Variants in IQGAP1 observed in about 807,000 individuals in gnomAD.
IQGAP1 encodes ras GTPase-activating-like protein IQGAP1.
IQGAP1 carries 66 observed loss-of-function variants against 215.6 expected under a neutral mutation model. The ratio of observed to expected loss-of-function variants is 0.31; its 90% CI spans 0.25 to 0.38. The LOEUF (loss-of-function observed/expected upper bound fraction) is 0.38, where lower values mean the gene tolerates loss of function less well. Ranked by LOEUF, IQGAP1 falls within the 10% of genes least tolerant of loss-of-function variation. The pLI is 1.00. For missense variants in IQGAP1, 1,712 were observed against 1,997.1 expected (o/e 0.86, Z 2.72); for synonymous variants, 772 against 728.7 (o/e 1.06, Z -0.96).
chr15:90,426,730 G>A (rs1440322035), intron 3 of IQGAP1, among the ~76,000 whole-genome samples: 1 of 151,992 alleles, frequency 6.6e-6, no homozygotes, highest in Non-Finnish European at 1.5e-5. Flanking sequence ...TGAGGTGGGC[G>A]GATCACAAGG....
intron 1 of IQGAP1, among the ~76,000 whole-genome samples, chr15:90,388,660 C>G (rs944918692): frequency 6.6e-6 from 1 of 152,048 alleles, no homozygotes; most frequent in Admixed American, 6.5e-5. Context: ...CCCAGCGCCT[C>G]TCGCCGCCCA....
At chr15:90,429,722 T>A in intron 4 of IQGAP1, 56 bp downstream of exon 4, 1 of 1,090,204 alleles carries the variant, frequency 9.2e-7, no homozygotes, top group East Asian at 2.4e-5. Flanking sequence ...GGCATAACCC[T>A]CAAACAACCT....
intron 2 of IQGAP1, chr15:90,393,807 G>A (rs1192138387): frequency 6.6e-6 from 1 of 152,098 alleles, no homozygotes; most frequent in Admixed American, 6.5e-5. Flanking sequence ...ATGATCCCCT[G>A]AGGTGTTTTT....
intron 2 of IQGAP1, among the ~76,000 whole-genome samples, chr15:90,410,799 A>G (rs1348214644): frequency 6.6e-6 from 1 of 151,658 alleles, no homozygotes; most frequent in African/African-American, 2.4e-5. Context: ...CATATGTAAC[A>G]AACCTGCATG....
At chr15:90,487,643 T>G in intron 33 of IQGAP1, 61 bp downstream of exon 33, 1 of 1,154,422 alleles carries the variant, frequency 8.7e-7, no homozygotes, top group Non-Finnish European at 1.3e-6. Context: ...GATAGGCGCA[T>G]GTCAGAGAAA....
chr15:90,426,181 T>C lies in IQGAP1; in HGVS notation c.227T>C (p.Val76Ala). 6.2e-7 allele frequency: 1 copy of C among 1,601,354 alleles called. No homozygotes were observed. Among genetic ancestry groups the C allele is most frequent in the Non-Finnish European group, 8.5e-7 (1 of 1,175,682 alleles). The change falls in exon 3 of 38, where the codon GTC becomes GCC. Residue 76 changes from valine to alanine, a missense_variant. Val to Ala is a moderately conservative substitution (Grantham distance 64). This residue lies in a region of IQGAP1 where 1,021 missense variants were observed against 1,074.2 expected (regional missense o/e 0.95). Coordinates refer to ENST00000268182, the MANE Select transcript of IQGAP1 (RefSeq NM_003870.4). ...TELEEGLRNG[V>A]YLAKLGNFFS... ...CTGGAGGAGGGGCTTAGGAATGGGG[T>C]CTACCTTGCCAAACTGGGGAACTTC... is the stretch of plus-strand genomic sequence containing the variant.
chr15:90,492,543 A>G lies in IQGAP1; in HGVS notation c.4462-2A>G. Reference sequence around the variant, plus strand: ...TTTCTAACTTTAATAATTATGTCTCAGGATATTCGGAATCAGCGGAGGTAC... The same window carrying G: ...TTTCTAACTTTAATAATTATGTCTCGGGATATTCGGAATCAGCGGAGGTAC... On this transcript the variant is annotated splice_acceptor_variant, in intron 34 of 37. Coordinates refer to ENST00000268182, the MANE Select transcript of IQGAP1 (RefSeq NM_003870.4). LOFTEE classifies it high-confidence loss of function. 6.3e-7 allele frequency: 1 copy of G among 1,596,714 alleles called. No homozygotes were observed. The highest frequency in any genetic ancestry group is 8.5e-7 in the Non-Finnish European group (1 of 1,174,378).
chr15:90,444,279 G>GTGTGTGTGTGTGTGTGTGTGTGTGTA (rs773341335), intron 9 of IQGAP1, among the ~76,000 whole-genome samples: 1 of 72,976 alleles, frequency 1.4e-5, no homozygotes, highest in African/African-American at 7.2e-5. Flanking sequence ...GTGTGTGTGT[G>GTGTGTGTGTGTGTGTGTGTGTGTGTA]TATATATATA....
rs142973327 is a variant in IQGAP1 at position 90,413,063 on chromosome 15, GTTAT to G, written c.156-13040_156-13037del. On this transcript the variant is annotated intron_variant, in intron 2 of 37. Transcript: ENST00000268182. ...TTACCACAGTAGAGTTCTCAGTATA[GTTAT>G]TTATTTGTCTTGCTGAGTGTAGAGT... Among the ~76,000 whole-genome samples the G allele has an allele frequency of 8.6e-3, 1,308 of 152,268 alleles. 20 individuals carry two copies. The highest frequency in any genetic ancestry group is 0.03 in the African/African-American group (1,254 of 41,546).
intron 19 of IQGAP1, 97 bp from the exon 20 acceptor site, chr15:90,473,618 A>G: frequency 1.2e-6 from 1 of 823,546 alleles, no homozygotes. Context: ...TTCATCATGA[A>G]ATTGCACTTG....
chr15:90,466,812 C>T (rs901092428), intron 17 of IQGAP1, among the ~76,000 whole-genome samples: 1 of 152,174 alleles, frequency 6.6e-6, no homozygotes, highest in Non-Finnish European at 1.5e-5. Context: ...AAAAACTGGG[C>T]CGGGTGCGGT....
Position 90,426,189 on chromosome 15 carries a change from G to T in IQGAP1, c.235G>T (p.Ala79Ser), listed in dbSNP as rs1309338123. The stretch of plus-strand genomic sequence containing the variant: ...GGGGCTTAGGAATGGGGTCTACCTT[G>T]CCAAACTGGGGAACTTCTTCTCTCC... ...EEGLRNGVYL[A>S]KLGNFFSPKV... Residue 79 changes from alanine to serine, a missense_variant, in exon 3 of 38, where the codon GCC (alanine) becomes TCC (serine). Ala to Ser is a moderately conservative substitution (Grantham distance 99). Coordinates refer to ENST00000268182, the MANE Select transcript of IQGAP1 (RefSeq NM_003870.4). 2 of 1,600,372 alleles carry T rather than the reference G, an allele frequency of 1.2e-6. No homozygotes were observed. Among genetic ancestry groups the T allele is most frequent in the East Asian group, 2.3e-5 (1 of 43,258 alleles).
Position 90,466,433 on chromosome 15 carries a change from G to A in IQGAP1, c.2032G>A (p.Val678Ile), listed in dbSNP as rs1211585540. 3 of 1,613,968 alleles carry A rather than the reference G, an allele frequency of 1.9e-6. No individual in the cohort carries two copies. The highest frequency in any genetic ancestry group is 2.5e-6 in the Non-Finnish European group (3 of 1,179,966). Reference sequence around the variant, plus strand: ...TGAAGCCAAGAAGAAAAAACTGGCAGTAGGTGAGTTCTGGGATAATACATA... The same window carrying A: ...TGAAGCCAAGAAGAAAAAACTGGCAATAGGTGAGTTCTGGGATAATACATA... ...LAEAKKKKLA[V>I]GDNNSKWVKH... The change falls in exon 17 of 38, where the codon GTA becomes ATA. Residue 678 changes from valine (V) to isoleucine (I), a missense_variant. Coordinates refer to ENST00000268182, the MANE Select transcript of IQGAP1 (RefSeq NM_003870.4).
Position 90,499,976 on chromosome 15 carries a change from T to C in IQGAP1, c.4861-19T>C, listed in dbSNP as rs780931580. Reference sequence around the variant, plus strand: ...ACTGTCAAAATGTTTTGTTTTGTTTTGTTTTGTTTTGTTAATAGGACCTGC... The same window carrying C: ...ACTGTCAAAATGTTTTGTTTTGTTTCGTTTTGTTTTGTTAATAGGACCTGC... On this transcript the variant is annotated intron_variant, in intron 37 of 37. Transcript: ENST00000268182. The C allele has an allele frequency of 7.3e-7, 1 of 1,378,798 alleles. No individual in the cohort carries two copies. Among genetic ancestry groups the C allele is most frequent in the South Asian group, 1.2e-5 (1 of 86,250 alleles). The allele number at this position is 1,378,798 out of a possible 1,614,324, so 85.4% of individuals were successfully genotyped here.
chr15:90,472,636 G>A (rs763588249), intron 18 of IQGAP1, among the ~76,000 whole-genome samples: 6 of 151,890 alleles, frequency 4.0e-5, no homozygotes, highest in African/African-American at 1.5e-4. Context: ...TTTATGAAGT[G>A]TTTTCTAGGT....
intron 14 of IQGAP1, 127 bp from the exon 15 acceptor site, chr15:90,456,025 G>A (rs2151024895): frequency 2.9e-6 from 2 of 696,880 alleles, no homozygotes; most frequent in African/African-American, 1.8e-5. Flanking sequence ...CTTAACGGAT[G>A]GTAAGTTGCA....
chr15:90,451,744 G>A (rs929455637), intron 11 of IQGAP1, among the ~76,000 whole-genome samples: 2 of 151,418 alleles, frequency 1.3e-5, no homozygotes, highest in African/African-American at 4.9e-5. Flanking sequence ...TGTGTTCTTG[G>A]TGTCTTTGTC....
chr15:90,477,747 C>G lies in IQGAP1; in HGVS notation c.3187C>G (p.Arg1063Gly). ...KMVVSFNRGA[R>G]GQNALRQILA... Reference sequence around the variant, plus strand: ...GGTTGTAAGTTTCAACCGTGGTGCCCGTGGCCAGAATGCCCTGAGACAGAT... The same window carrying G: ...GGTTGTAAGTTTCAACCGTGGTGCCGGTGGCCAGAATGCCCTGAGACAGAT... The change falls in exon 26 of 38, where the codon CGT becomes GGT. Residue 1063 changes from arginine (R) to glycine (G), a missense_variant. By Grantham distance (125) the Arg-to-Gly change is moderately radical. Coordinates refer to ENST00000268182, the MANE Select transcript of IQGAP1 (RefSeq NM_003870.4). The G allele has an allele frequency of 6.2e-7, 1 of 1,613,696 alleles. No homozygotes were observed. The highest frequency in any genetic ancestry group is 8.5e-7 in the Non-Finnish European group (1 of 1,179,762).
chr15:90,437,876 C>T (rs1324369454), intron 5 of IQGAP1, among the ~76,000 whole-genome samples: 3 of 152,168 alleles, frequency 2.0e-5, no homozygotes, highest in African/African-American at 7.2e-5. Flanking sequence ...TCTTCTGAGA[C>T]AGGCGCTTTA....
Sources: gnomAD v4.1 joint callset for allele counts (sites outside exome capture counted in the v4.1 genomes callset) on GRCh38, gnomAD v4.1.1 for gene constraint, gnomAD v4.1.1 regional missense constraint, MANE v1.5 for transcripts, NCBI Gene and HGNC (gene_info 2026-07-23, HGNC 2026-07-21) for gene names.